The following MDFIC2 variants were observed in gnomAD, a reference collection of about 807,000 sequenced individuals.
MDFIC2 encodes the protein MyoD family inhibitor domain containing 2.
At chr3:70,304,811 GA>G (rs1471903787) in intron 2 of MDFIC2, among the ~76,000 whole-genome samples, 3 of 151,902 alleles carry the variant, frequency 2.0e-5, no homozygotes, top group African/African-American at 7.3e-5. Flanking sequence ...CCAAATAGGC[GA>G]AAAAAATATC....
chr3:70,202,079 GAT>G (rs1415512838), intron 3 of MDFIC2, among the ~76,000 whole-genome samples: 1 of 152,176 alleles, frequency 6.6e-6, no homozygotes, highest in Non-Finnish European at 1.5e-5. Flanking sequence ...TGGTCTATCT[GAT>G]AGTGGTTAGT....
intron 2 of MDFIC2, among the ~76,000 whole-genome samples, chr3:70,272,734 A>G (rs1701986602): frequency 6.6e-6 from 1 of 152,218 alleles, no homozygotes; most frequent in Non-Finnish European, 1.5e-5. Context: ...GGAATGTACA[A>G]ACATTATTAT....
chr3:70,287,814 C>T (rs1233630884), intron 2 of MDFIC2, among the ~76,000 whole-genome samples: 1 of 150,778 alleles, frequency 6.6e-6, no homozygotes, highest in Non-Finnish European at 1.5e-5. Flanking sequence ...GGAATTTATC[C>T]ATTTCTTCTA....
At chr3:70,261,669 T>C (rs1701867827) in intron 2 of MDFIC2, among the ~76,000 whole-genome samples, 2 of 152,284 alleles carry the variant, frequency 1.3e-5, no homozygotes, top group South Asian at 4.2e-4. Context: ...AAACTGGCCT[T>C]ATTTTGTTGA....
At chr3:70,271,056 T>TA (rs888468600) in intron 2 of MDFIC2, among the ~76,000 whole-genome samples, 65 of 150,770 alleles carry the variant, frequency 4.3e-4, no homozygotes, top group East Asian at 1.6e-3. Context: ...ATATTGAAAA[T>TA]AAAAAAAAAC....
rs549379914 is a variant in MDFIC2 at position 70,194,589 on chromosome 3, A to G, written c.*2337T>C. ...ACAGTGAATTCTGAAAGTGAGGAAC[A>G]AAGTTAACAAACCGTGGAAAGCAAG... On this transcript the variant is annotated 3_prime_UTR_variant, in exon 4 of 4. Transcript: ENST00000567252. Among the ~76,000 whole-genome samples the G allele has an allele frequency of 6.6e-6, 1 of 152,356 alleles. No individual in the cohort carries two copies. The highest frequency in any genetic ancestry group is 1.9e-4 in the East Asian group (1 of 5,178).
intron 2 of MDFIC2, among the ~76,000 whole-genome samples, chr3:70,242,991 A>G (rs1262058933): frequency 2.6e-5 from 4 of 152,218 alleles, no homozygotes; most frequent in Non-Finnish European, 5.9e-5. Context: ...CTAATTTCCC[A>G]AGAGCAGAAC....
At chr3:70,260,880 A>G (rs1701859849) in intron 2 of MDFIC2, among the ~76,000 whole-genome samples, 1 of 152,104 alleles carries the variant, frequency 6.6e-6, no homozygotes, top group African/African-American at 2.4e-5. Context: ...AGAATGTACC[A>G]TCTTTTCCTG....
chr3:70,244,797 C>A (rs143536489), intron 2 of MDFIC2, among the ~76,000 whole-genome samples: 6 of 152,186 alleles, frequency 3.9e-5, no homozygotes, highest in Non-Finnish European at 8.8e-5. Flanking sequence ...CATACACATA[C>A]GTCTCTATGT....
chr3:70,208,468 C>A (rs746371194), intron 2 of MDFIC2, among the ~76,000 whole-genome samples: 16 of 152,048 alleles, frequency 1.1e-4, no homozygotes, highest in Non-Finnish European at 2.1e-4. Context: ...GACTTTTCTG[C>A]AGAGTAGAAT....
intron 2 of MDFIC2, among the ~76,000 whole-genome samples, chr3:70,243,296 A>G (rs1321493121): frequency 6.6e-6 from 1 of 152,098 alleles, no homozygotes; most frequent in Non-Finnish European, 1.5e-5. Flanking sequence ...AATGTCTTCT[A>G]TCAAGCAATA....
intron 2 of MDFIC2, among the ~76,000 whole-genome samples, chr3:70,303,763 C>A (rs142494666): frequency 2.6e-5 from 4 of 152,044 alleles, no homozygotes; most frequent in African/African-American, 9.7e-5. Flanking sequence ...CTCACTGCAA[C>A]CTCCGCCTCC....
chr3:70,252,015 T>C (rs1486813397), intron 2 of MDFIC2, among the ~76,000 whole-genome samples: 9 of 152,222 alleles, frequency 5.9e-5, no homozygotes, highest in Non-Finnish European at 1.0e-4. Flanking sequence ...GCAAAACAAG[T>C]GCCTTCAATT....
chr3:70,256,172 A>C (rs903841507), intron 2 of MDFIC2, among the ~76,000 whole-genome samples: 3 of 152,206 alleles, frequency 2.0e-5, no homozygotes, highest in Non-Finnish European at 2.9e-5. Flanking sequence ...TTTAAGATGG[A>C]TCCTTTTTAT....
chr3:70,221,532 G>A (rs1701460056), intron 2 of MDFIC2, among the ~76,000 whole-genome samples: 1 of 152,006 alleles, frequency 6.6e-6, no homozygotes, highest in Admixed American at 6.6e-5. Context: ...ATGAGGCCTG[G>A]TTGAGCCCTC....
At chr3:70,221,062 C>T (rs886767046) in intron 2 of MDFIC2, among the ~76,000 whole-genome samples, 1 of 152,142 alleles carries the variant, frequency 6.6e-6, no homozygotes, top group Admixed American at 6.5e-5. Context: ...CCAGGTACAA[C>T]AATAACTAGC....
chr3:70,199,162 G>T (rs912232495), intron 3 of MDFIC2, among the ~76,000 whole-genome samples: 4 of 152,146 alleles, frequency 2.6e-5, no homozygotes, highest in Middle Eastern at 6.3e-3. Flanking sequence ...AAGGTTAAAA[G>T]TTTGCTTTGG....
intron 2 of MDFIC2, among the ~76,000 whole-genome samples, chr3:70,214,862 A>T (rs988137389): frequency 6.6e-6 from 1 of 152,016 alleles, no homozygotes; most frequent in Admixed American, 6.6e-5. Flanking sequence ...GTGTCTCAAG[A>T]AATAAAGATT....
At chr3:70,251,267 T>C (rs191231817) in intron 2 of MDFIC2, among the ~76,000 whole-genome samples, 4 of 152,362 alleles carry the variant, frequency 2.6e-5, no homozygotes, top group Admixed American at 1.3e-4. Context: ...TCATTTCTAA[T>C]ATCTGAGTTC....
Sources: allele counts gnomAD v4.1 joint callset (sites outside exome capture counted in the v4.1 genomes callset), GRCh38; gene constraint gnomAD v4.1.1; transcripts MANE v1.5; gene names NCBI Gene and HGNC (gene_info 2026-07-23, HGNC 2026-07-21).